Variants in SOS2 observed in about 807,000 individuals in gnomAD.
SOS2 encodes the protein SOS Ras/Rho guanine nucleotide exchange factor 2, also known as son of sevenless homolog 2.
Under a neutral mutation model 148.2 loss-of-function variants are expected in SOS2, and 65 were observed. The ratio of observed to expected loss-of-function variants is 0.44; its 90% CI spans 0.36 to 0.54. The LOEUF (loss-of-function observed/expected upper bound fraction) is 0.54. Among genes scored for constraint, SOS2 ranks in the 20% least tolerant of loss-of-function variants. The pLI is 0.00. For synonymous variants in SOS2, 539 were observed against 537.1 expected, an observed-to-expected ratio of 1.00 and a Z score of -0.05; for missense variants, 1,341 against 1,590.2, an observed-to-expected ratio of 0.84 and a Z score of 2.67.
intron 1 of SOS2, among the ~76,000 whole-genome samples, chr14:50,224,114 T>C: frequency 6.6e-6 from 1 of 151,012 alleles, no homozygotes. Context: ...GAAACCCCAT[T>C]TCTACTAAAA....
intron 8 of SOS2, among the ~76,000 whole-genome samples, chr14:50,170,322 CAAGAAGGAA>C (rs1425513528): frequency 6.6e-6 from 1 of 151,628 alleles, no homozygotes; most frequent in Admixed American, 6.6e-5. Flanking sequence ...AATCTTCATG[CAAGAAGGAA>C]AAGAAAAAAA....
chr14:50,191,569 A>G (rs555398165), intron 4 of SOS2, among the ~76,000 whole-genome samples: 3 of 152,244 alleles, frequency 2.0e-5, no homozygotes, highest in African/African-American at 7.2e-5. Flanking sequence ...TCTATGACTT[A>G]CCTTCTCTAC....
At chr14:50,202,529 T>C (rs1246069068) in intron 2 of SOS2, among the ~76,000 whole-genome samples, 1 of 151,650 alleles carries the variant, frequency 6.6e-6, no homozygotes, top group Non-Finnish European at 1.5e-5. Flanking sequence ...AGGCCAGGAG[T>C]ATGAAACCAG....
At chr14:50,204,483 A>G (rs1250501046) in intron 1 of SOS2, 74 bp from the exon 2 acceptor site, 2 of 900,830 alleles carry the variant, frequency 2.2e-6, no homozygotes, top group Admixed American at 2.6e-5. Context: ...AGAATCTTAT[A>G]TATAATATTT....
At chr14:50,157,628 A>T (rs1296152492) in intron 11 of SOS2, among the ~76,000 whole-genome samples, 1 of 152,172 alleles carries the variant, frequency 6.6e-6, no homozygotes, top group Non-Finnish European at 1.5e-5. Context: ...TGCTTTCCTT[A>T]TTCTGGACAT....
chr14:50,174,363 A>G, intron 8 of SOS2, 91 bp downstream of exon 8: 1 of 487,146 alleles, frequency 2.1e-6, no homozygotes, highest in Non-Finnish European at 3.6e-6. Context: ...ATAAGAATTA[A>G]AAGACTGGTA....
intron 7 of SOS2, among the ~76,000 whole-genome samples, chr14:50,180,336 G>A (rs1372710321): frequency 6.9e-6 from 1 of 144,856 alleles, no homozygotes; most frequent in Non-Finnish European, 1.5e-5. Context: ...TCTAGTATGT[G>A]CCAAATTCTT....
chr14:50,217,059 T>C (rs2139839878), intron 1 of SOS2, among the ~76,000 whole-genome samples: 1 of 152,350 alleles, frequency 6.6e-6, no homozygotes, highest in South Asian at 2.1e-4. Flanking sequence ...CAAGGATTTC[T>C]ATAAAGCTAT....
At chr14:50,228,217 A>AT (rs903156250) in intron 1 of SOS2, among the ~76,000 whole-genome samples, 5 of 151,512 alleles carry the variant, frequency 3.3e-5, no homozygotes, top group African/African-American at 7.3e-5. Context: ...AATTTTTGGT[A>AT]TTTTTTAGTA....
chr14:50,151,422 T>C (rs553056393), intron 13 of SOS2, among the ~76,000 whole-genome samples: 2 of 152,328 alleles, frequency 1.3e-5, no homozygotes, highest in East Asian at 3.9e-4. Context: ...AGGAGGCATA[T>C]AATGTCTAGT....
intron 5 of SOS2, among the ~76,000 whole-genome samples, chr14:50,184,596 GAGAAAA>G (rs1224999122): frequency 6.6e-6 from 1 of 152,078 alleles, no homozygotes; most frequent in East Asian, 1.9e-4. Flanking sequence ...ACTGACTCAT[GAGAAAA>G]AGAAAAAGGA....
At chr14:50,222,702 G>C (rs1158654628) in intron 1 of SOS2, among the ~76,000 whole-genome samples, 1 of 152,196 alleles carries the variant, frequency 6.6e-6, no homozygotes, top group African/African-American at 2.4e-5. Context: ...AAGCCAGTAT[G>C]GGGCAGAAGC....
At chr14:50,148,409 C>CAAAA (rs3072684) in intron 14 of SOS2, among the ~76,000 whole-genome samples, 1 of 118,296 alleles carries the variant, frequency 8.5e-6, no homozygotes. Flanking sequence ...GACACCATCT[C>CAAAA]AAAAAAAAAA....
rs1239759339 is a variant in SOS2, at chr14:50,204,410, C to A, written c.88-1G>T. ...GAGTGGGATGCACTTGTTCCTGAAC[C>A]TTTAAAAAAAAGTTATCAGTTAAAG... On this transcript the variant is annotated splice_acceptor_variant, in intron 1 of 22. Coordinates refer to ENST00000216373, the MANE Select transcript of SOS2 (RefSeq NM_006939.4). LOFTEE classifies it high-confidence loss of function. 2 of 1,554,992 alleles carry A rather than the reference C, an allele frequency of 1.3e-6. No individual in the cohort carries two copies. The highest frequency in any genetic ancestry group is 8.7e-7 in the Non-Finnish European group (1 of 1,146,550).
intron 8 of SOS2, among the ~76,000 whole-genome samples, chr14:50,173,238 C>A (rs1325345381): frequency 6.6e-6 from 1 of 152,038 alleles, no homozygotes; most frequent in Admixed American, 6.6e-5. Context: ...TAGACAGTTA[C>A]GACTTTTTCC....
chr14:50,119,331 A>G (rs1453845204), intron 22 of SOS2, among the ~76,000 whole-genome samples: 2 of 152,168 alleles, frequency 1.3e-5, no homozygotes, highest in African/African-American at 4.8e-5. Context: ...CTTGGGCCCC[A>G]TCCTAGACTA....
chr14:50,174,254 GA>G (rs1885456641), intron 8 of SOS2, among the ~76,000 whole-genome samples, 199 bp downstream of exon 8: 1 of 151,688 alleles, frequency 6.6e-6, no homozygotes, highest in Non-Finnish European at 1.5e-5. Flanking sequence ...ACACTGCACA[GA>G]AAAAAATATT....
At chr14:50,181,311 G>T (rs1442978156) in intron 6 of SOS2, among the ~76,000 whole-genome samples, 1 of 152,130 alleles carries the variant, frequency 6.6e-6, no homozygotes, top group Non-Finnish European at 1.5e-5. Context: ...AGCTGGGCGT[G>T]GTGGCAGGCG....
intron 4 of SOS2, among the ~76,000 whole-genome samples, chr14:50,191,759 T>C (rs1002497287): frequency 9.9e-5 from 15 of 152,190 alleles, no homozygotes; most frequent in Admixed American, 9.8e-4. Context: ...TGCCAGCTGT[T>C]TTCTGTTAGG....
Sources: allele counts gnomAD v4.1 joint callset (sites outside exome capture counted in the v4.1 genomes callset), GRCh38; gene constraint gnomAD v4.1.1; transcripts MANE v1.5; gene names NCBI Gene and HGNC (gene_info 2026-07-23, HGNC 2026-07-21).